The following DNAJB6 variants were observed in gnomAD, a reference collection of about 807,000 sequenced individuals.
The protein encoded by DNAJB6 is dnaJ homolog subfamily B member 6.
Under a neutral mutation model 42.7 loss-of-function variants are expected in DNAJB6, and 16 were observed. The ratio of observed to expected loss-of-function variants is 0.37; its 90% confidence interval spans 0.25 to 0.57. DNAJB6 has a LOEUF of 0.57. Ranked by LOEUF, DNAJB6 falls within the 20% of genes least tolerant of loss-of-function variation. The pLI is 0.74. For synonymous variants in DNAJB6, 170 were observed against 163.5 expected, an observed-to-expected ratio of 1.04 and a Z score of -0.30; for missense variants, 347 against 416.8, an observed-to-expected ratio of 0.83 and a Z score of 1.46.
At chr7:157,347,615 G>C (rs530894821) in intron 1 of DNAJB6, among the ~76,000 whole-genome samples, 54 of 152,294 alleles carry the variant, frequency 3.5e-4, no homozygotes, top group Non-Finnish European at 6.6e-4. Context: ...GATGGAATAC[G>C]TACCTGTAAG....
At chr7:157,381,106 G>C (rs1800743543) in intron 5 of DNAJB6, 1 of 151,976 alleles carries the variant, frequency 6.6e-6, no homozygotes, top group African/African-American at 2.4e-5. Flanking sequence ...GCTGGATCAA[G>C]TCACTCTTGT....
intron 8 of DNAJB6, among the ~76,000 whole-genome samples, chr7:157,408,590 G>A (rs112947976): frequency 0.039 from 5,975 of 152,288 alleles, 231 homozygotes; most frequent in Admixed American, 0.12. Context: ...TGGCCTGAGG[G>A]GACAGCCTGA....
intron 5 of DNAJB6, chr7:157,381,292 T>G: frequency 6.6e-6 from 1 of 152,224 alleles, no homozygotes; most frequent in East Asian, 1.9e-4. Context: ...TGGTCCTAGC[T>G]TGCCTTTGTC....
At chr7:157,408,100 G>A (rs1350655110) in intron 8 of DNAJB6, among the ~76,000 whole-genome samples, 2 of 152,164 alleles carry the variant, frequency 1.3e-5, no homozygotes, top group Admixed American at 6.5e-5. Flanking sequence ...AACTGGCCCC[G>A]GGCTAGGTGA....
intron 5 of DNAJB6, among the ~76,000 whole-genome samples, chr7:157,374,586 C>T (rs960079124): frequency 1.5e-4 from 23 of 152,082 alleles, no homozygotes; most frequent in Non-Finnish European, 2.9e-5. Context: ...ATTATCCTGG[C>T]TAGTGAGGAT....
At chr7:157,348,236 GCGCCC>G (rs1798788270) in intron 1 of DNAJB6, among the ~76,000 whole-genome samples, 1 of 151,890 alleles carries the variant, frequency 6.6e-6, no homozygotes, top group Non-Finnish European at 1.5e-5. Context: ...GGGATTACAG[GCGCCC>G]ACCACCTTGC....
intron 1 of DNAJB6, among the ~76,000 whole-genome samples, chr7:157,351,856 G>GGTGGCACATGCCT (rs1275244611): frequency 1.3e-5 from 2 of 151,852 alleles, no homozygotes; most frequent in Non-Finnish European, 2.9e-5. Flanking sequence ...TAGTCGGTGT[G>GGTGGCACATGCCT]GTGGCACATG....
chr7:157,399,086 G>A (rs770654690), intron 8 of DNAJB6, among the ~76,000 whole-genome samples: 10 of 152,174 alleles, frequency 6.6e-5, no homozygotes, highest in African/African-American at 1.2e-4. Context: ...TTTAATTTGG[G>A]GAATTTTAGG....
At chr7:157,378,754 T>A (rs532632596) in intron 5 of DNAJB6, 23 of 152,222 alleles carry the variant, frequency 1.5e-4, no homozygotes, top group Non-Finnish European at 2.8e-4. Context: ...TTTTGGGGGC[T>A]GAAGGTTTTA....
At chr7:157,372,775 C>A (rs978641404) in intron 5 of DNAJB6, among the ~76,000 whole-genome samples, 7 of 152,174 alleles carry the variant, frequency 4.6e-5, no homozygotes, top group African/African-American at 1.7e-4. Context: ...GTCCTGGAGG[C>A]TGGCCATGTG....
intron 1 of DNAJB6, among the ~76,000 whole-genome samples, chr7:157,353,718 G>C (rs980747256): frequency 6.6e-6 from 1 of 151,816 alleles, no homozygotes; most frequent in Admixed American, 6.6e-5. Context: ...GGAATGCCGC[G>C]GTGCAGTCCT....
intron 1 of DNAJB6, among the ~76,000 whole-genome samples, chr7:157,355,215 G>C (rs912996314): frequency 6.6e-6 from 1 of 152,108 alleles, no homozygotes; most frequent in Non-Finnish European, 1.5e-5. Flanking sequence ...GTGCAGTGGC[G>C]CGGGCGCGAT....
At chr7:157,407,935 G>T (rs1483291297) in intron 8 of DNAJB6, among the ~76,000 whole-genome samples, 2 of 152,194 alleles carry the variant, frequency 1.3e-5, no homozygotes, top group Non-Finnish European at 2.9e-5. Context: ...TCCTCCTGCT[G>T]CAGGCGTGCT....
rs1468001749 is a variant in DNAJB6, at chr7:157,352,441, G to A, written c.-26-6106G>A. On this transcript the variant is annotated intron_variant, in intron 1 of 9. Transcript: ENST00000262177. ...ATCATGCAGTGTGTATTTGATGGTG[G>A]ATTACTCTCTGAATATTTATTCAGT... 2.0e-5 allele frequency among the ~76,000 whole-genome samples: 3 copies of A among 151,924 alleles called. No individual in the cohort carries two copies. In the East Asian group the frequency reaches 5.8e-4, roughly 29 times the overall value.
At chr7:157,392,133 AT>A (rs1563143158) in intron 8 of DNAJB6, among the ~76,000 whole-genome samples, 1 of 149,838 alleles carries the variant, frequency 6.7e-6, no homozygotes, top group Non-Finnish European at 1.5e-5. Flanking sequence ...GTCATAAATG[AT>A]TTCTTAGAAG....
chr7:157,361,021 A>G (rs1255889349), intron 2 of DNAJB6, among the ~76,000 whole-genome samples: 4 of 152,144 alleles, frequency 2.6e-5, no homozygotes, highest in Non-Finnish European at 5.9e-5. Flanking sequence ...ATTCTCATCC[A>G]TTGCCAAGTT....
At chr7:157,383,385 CCTT>C (rs1347512855) in intron 6 of DNAJB6, among the ~76,000 whole-genome samples, 2 of 152,138 alleles carry the variant, frequency 1.3e-5, no homozygotes, top group Non-Finnish European at 2.9e-5. Flanking sequence ...ATATAGGGTT[CCTT>C]CTTCATCATG....
In DNAJB6 at chr7:157,361,318, C is replaced by G. The variant is rs1799579839; in HGVS notation, c.66-1843C>G. Among the ~76,000 whole-genome samples the G allele has an allele frequency of 2.0e-5, 3 of 152,006 alleles. No homozygotes were observed. The South Asian group carries it at 6.2e-4, about 32-fold the overall frequency. ...GAACTGCAGGCGCCTGCCATGATGC[C>G]CAGCTAATTTTTATATTTTTAATAG... is the stretch of plus-strand genomic sequence containing the variant. On this transcript the variant is annotated intron_variant, in intron 2 of 9. Coordinates refer to ENST00000262177, the MANE Select transcript of DNAJB6 (RefSeq NM_058246.4).
chr7:157,409,769 C>G (rs1795903969), intron 8 of DNAJB6, 26 bp from the exon 9 acceptor site: 1 of 1,500,976 alleles, frequency 6.7e-7, no homozygotes, highest in Non-Finnish European at 8.9e-7. Context: ...TCACTCACGG[C>G]TCTCTCTCTC....
Sources: allele counts gnomAD v4.1 joint callset (sites outside exome capture counted in the v4.1 genomes callset), GRCh38; gene constraint gnomAD v4.1.1; transcripts MANE v1.5; gene names NCBI Gene and HGNC (gene_info 2026-07-23, HGNC 2026-07-21).